ARHGAP15: variants seen among roughly 807,000 people sequenced by gnomAD.
ARHGAP15 encodes the protein rho GTPase-activating protein 15.
A neutral mutation model predicts 63.7 loss-of-function variants in ARHGAP15; 51 were observed. The ratio of observed to expected loss-of-function variants is 0.80; its 90% CI spans 0.64 to 1.01. The LOEUF (loss-of-function observed/expected upper bound fraction) is 1.01, where lower values mean the gene tolerates loss of function less well. Ranked by LOEUF, ARHGAP15 falls within the 50% of genes least tolerant of loss-of-function variation. The probability of loss-of-function intolerance (pLI) is 0.00; values close to 1 mark genes in which losing one functional copy is unlikely to be tolerated. For missense variants in ARHGAP15, 560 were observed against 564.6 expected (o/e 0.99, Z 0.08); for synonymous variants, 191 against 193.8 (o/e 0.99, Z 0.12).
At position 143,548,636 on chromosome 2, in the gene ARHGAP15, C is replaced by T. The variant is rs2105067899; in HGVS notation, c.926-7772C>T. On this transcript the variant is annotated intron_variant, in intron 10 of 13. Coordinates refer to ENST00000295095, the MANE Select transcript of ARHGAP15 (RefSeq NM_018460.4). The stretch of plus-strand genomic sequence containing the variant: ...AAAATTCTTATTTTCCATATGAATC[C>T]CCTACAAATACCTGGGAAATTAAAT... Among the ~76,000 whole-genome samples, 3 of 151,826 alleles carry T rather than the reference C, an allele frequency of 2.0e-5. No individual in the cohort carries two copies. The South Asian group carries it at 6.2e-4, about 32-fold the overall frequency.
intron 8 of ARHGAP15, among the ~76,000 whole-genome samples, chr2:143,455,001 G>A (rs563614078): frequency 1.3e-5 from 2 of 152,046 alleles, no homozygotes; most frequent in South Asian, 4.2e-4. Context: ...ACTGGAAGGG[G>A]CTCCCAATCC....
intron 6 of ARHGAP15, among the ~76,000 whole-genome samples, chr2:143,348,236 G>A (rs967540475): frequency 2.6e-5 from 4 of 152,096 alleles, no homozygotes; most frequent in African/African-American, 9.7e-5. Flanking sequence ...GACAATTACT[G>A]CGTGTGTGTT....
chr2:143,466,228 A>G (rs1691203380), intron 8 of ARHGAP15, among the ~76,000 whole-genome samples: 1 of 152,028 alleles, frequency 6.6e-6, no homozygotes, highest in Admixed American at 6.6e-5. Context: ...TAGGAGGACA[A>G]ATTATTTGGG....
chr2:143,440,019 G>A (rs573060306), intron 8 of ARHGAP15, among the ~76,000 whole-genome samples: 5 of 151,768 alleles, frequency 3.3e-5, no homozygotes, highest in Non-Finnish European at 7.4e-5. Context: ...CTGTATCTTG[G>A]TGAGTATGTA....
At chr2:143,589,088 GA>G (rs1270583170) in intron 11 of ARHGAP15, among the ~76,000 whole-genome samples, 1 of 152,152 alleles carries the variant, frequency 6.6e-6, no homozygotes, top group African/African-American at 2.4e-5. Context: ...AAAACTTGCA[GA>G]GTTCAAGCAT....
At chr2:143,418,768 GT>G (rs948850970) in intron 6 of ARHGAP15, among the ~76,000 whole-genome samples, 2 of 151,842 alleles carry the variant, frequency 1.3e-5, no homozygotes, top group African/African-American at 4.8e-5. Context: ...TATGAGAGGG[GT>G]TTTTTTCCCA....
chr2:143,227,148 T>C (rs1485460113), intron 4 of ARHGAP15, among the ~76,000 whole-genome samples: 2 of 152,202 alleles, frequency 1.3e-5, no homozygotes, highest in African/African-American at 4.8e-5. Flanking sequence ...CTCCTTAATA[T>C]CTTTACTATC....
At chr2:143,554,226 A>T (rs978688601) in intron 10 of ARHGAP15, among the ~76,000 whole-genome samples, 19 of 152,316 alleles carry the variant, frequency 1.2e-4, no homozygotes, top group African/African-American at 3.8e-4. Flanking sequence ...TAAAATAATT[A>T]TTATTCTCTA....
In ARHGAP15 at chr2:143,472,229, C is replaced by A. The variant is rs555557803; in HGVS notation, c.704-15144C>A. 9.2e-5 allele frequency among the ~76,000 whole-genome samples: 14 copies of A among 151,916 alleles called. No homozygotes were observed. The South Asian group carries it at 2.9e-3, about 32-fold the overall frequency. On this transcript the variant is annotated intron_variant, in intron 8 of 13. Transcript: ENST00000295095. ...CCTGCCATTTCTGTTTGGGTAGACACGGCATAAATTTTAAATTAAGGTGTA... is the reference window on the plus strand; with the variant it reads ...CCTGCCATTTCTGTTTGGGTAGACAAGGCATAAATTTTAAATTAAGGTGTA...
chr2:143,491,691 G>T (rs1282235093), intron 9 of ARHGAP15, among the ~76,000 whole-genome samples: 1 of 152,048 alleles, frequency 6.6e-6, no homozygotes, highest in Non-Finnish European at 1.5e-5. Flanking sequence ...TTATAGTTCT[G>T]GTGATTTGGT....
intron 12 of ARHGAP15, among the ~76,000 whole-genome samples, chr2:143,675,665 A>C (rs1484614467): frequency 6.6e-6 from 1 of 152,226 alleles, no homozygotes; most frequent in Non-Finnish European, 1.5e-5. Flanking sequence ...AGTAGGACTC[A>C]ACAGAGGGCT....
chr2:143,537,782 C>T (rs906474667), intron 10 of ARHGAP15, among the ~76,000 whole-genome samples: 4 of 152,070 alleles, frequency 2.6e-5, no homozygotes, highest in Non-Finnish European at 4.4e-5. Context: ...GTTACTGTAG[C>T]CTTGTAGTGT....
intron 2 of ARHGAP15, among the ~76,000 whole-genome samples, chr2:143,180,961 T>C (rs935939523): frequency 5.9e-5 from 9 of 152,160 alleles, no homozygotes; most frequent in Admixed American, 4.6e-4. Context: ...TGTGAGCCAC[T>C]GTACCCGGCC....
At chr2:143,371,243 C>T (rs891635493) in intron 6 of ARHGAP15, among the ~76,000 whole-genome samples, 1 of 152,188 alleles carries the variant, frequency 6.6e-6, no homozygotes, top group Non-Finnish European at 1.5e-5. Context: ...TGGGGGTTTG[C>T]TGCACCTATT....
intron 12 of ARHGAP15, among the ~76,000 whole-genome samples, chr2:143,664,063 T>G (rs1291580745): frequency 6.6e-6 from 1 of 151,808 alleles, no homozygotes; most frequent in Non-Finnish European, 1.5e-5. Flanking sequence ...CAAGCGGACC[T>G]AATAGACATC....
At chr2:143,317,435 AAAAT>A (rs1299237220) in intron 6 of ARHGAP15, among the ~76,000 whole-genome samples, 3 of 152,240 alleles carry the variant, frequency 2.0e-5, no homozygotes, top group Non-Finnish European at 4.4e-5. Flanking sequence ...TATATTGCAC[AAAAT>A]AAATTCTTTG....
intron 9 of ARHGAP15, among the ~76,000 whole-genome samples, chr2:143,488,051 T>C (rs888131576): frequency 6.6e-6 from 1 of 152,126 alleles, no homozygotes; most frequent in Non-Finnish European, 1.5e-5. Flanking sequence ...TTTACAAATA[T>C]ATGTAGAGGG....
chr2:143,451,186 C>T (rs953011914), intron 8 of ARHGAP15, among the ~76,000 whole-genome samples: 1 of 151,824 alleles, frequency 6.6e-6, no homozygotes, highest in Non-Finnish European at 1.5e-5. Context: ...ATCATACATT[C>T]GCCTCTCGGG....
At chr2:143,302,360 T>C (rs1682943700) in intron 6 of ARHGAP15, among the ~76,000 whole-genome samples, 1 of 152,022 alleles carries the variant, frequency 6.6e-6, no homozygotes, top group South Asian at 2.1e-4. Context: ...CAAGTTAATT[T>C]TTTGTTTAAA....
Sources: gnomAD v4.1 joint callset for allele counts (sites outside exome capture counted in the v4.1 genomes callset) on GRCh38, gnomAD v4.1.1 for gene constraint, MANE v1.5 for transcripts, NCBI Gene and HGNC (gene_info 2026-07-23, HGNC 2026-07-21) for gene names.